The following DR1 variants were observed in gnomAD, a reference collection of about 807,000 sequenced individuals.
The protein encoded by DR1 is down-regulator of transcription 1, also known as protein Dr1.
Under a neutral mutation model 19.9 loss-of-function variants are expected in DR1, and 7 were observed. That is an observed-to-expected ratio of 0.35 (90% CI 0.20 to 0.66). The LOEUF is 0.66. Among genes scored for constraint, DR1 ranks in the 30% least tolerant of loss-of-function variants. DR1 has a pLI of 0.66. For missense variants in DR1, 98 were observed against 203.7 expected (o/e 0.48, Z 3.16); for synonymous variants, 76 against 72.5 (o/e 1.05, Z -0.24).
Position 93,360,699 on chromosome 1 carries a change from G to A in DR1, c.*60G>A. The A allele has an allele frequency of 6.5e-7, 1 of 1,539,266 alleles. No homozygotes were observed. The highest frequency in any genetic ancestry group is 8.7e-7 in the Non-Finnish European group (1 of 1,148,346). ...TGTTTTTCCCTGCACAACAAAAACA[G>A]TGAAAGAAATGCTTATCTGTAATTT... On this transcript the variant is annotated 3_prime_UTR_variant, in exon 3 of 3. Coordinates refer to ENST00000370272, the MANE Select transcript of DR1 (RefSeq NM_001938.3).
chr1:93,357,545 T>TAAATAAATAAATAAA (rs1667003608), intron 2 of DR1, among the ~76,000 whole-genome samples: 1 of 74,324 alleles, frequency 1.3e-5, no homozygotes, highest in Non-Finnish European at 3.1e-5. Flanking sequence ...AAATAAATAA[T>TAAATAAATAAATAAA]GATCAGTGCT....
intron 1 of DR1, 37 bp from the exon 2 acceptor site, chr1:93,353,871 A>G: frequency 1.3e-6 from 2 of 1,541,010 alleles, no homozygotes. Context: ...GCTGTGTTTT[A>G]TCACCCTTTC....
At chr1:93,349,711 G>A (rs771797445) in intron 1 of DR1, among the ~76,000 whole-genome samples, 6 of 152,000 alleles carry the variant, frequency 3.9e-5, no homozygotes, top group African/African-American at 1.4e-4. Context: ...GCTGTCTTAC[G>A]TTGAAGGAAT....
rs1345617832 is a variant in DR1 at position 93,362,878 on chromosome 1, T to C, written c.*2239T>C. On this transcript the variant is annotated 3_prime_UTR_variant, in exon 3 of 3. Coordinates refer to ENST00000370272, the MANE Select transcript of DR1 (RefSeq NM_001938.3). ...TTAGCATTTAAGAGTCACTATTATG[T>C]TTTGCCAGTTAAAATTTTTTAAATC... The C allele has an allele frequency of 6.7e-6, 1 of 149,822 alleles. No individual in the cohort carries two copies. Among genetic ancestry groups the C allele is most frequent in the Admixed American group, 6.7e-5 (1 of 14,996 alleles). The allele number at this position is 149,822 out of a possible 1,614,324, so 9.3% of individuals were successfully genotyped here.
chr1:93,357,849 A>G lies in DR1; in HGVS notation c.385-2644A>G, dbSNP rs1223103394. Reference sequence around the variant, plus strand: ...TCAACAAATTTCAAGTCAGAATTCAATTAACATGTCCCTACTGTATGTAAG... The same window carrying G: ...TCAACAAATTTCAAGTCAGAATTCAGTTAACATGTCCCTACTGTATGTAAG... On this transcript the variant is annotated intron_variant, in intron 2 of 2. Transcript: ENST00000370272. 2.6e-5 allele frequency among the ~76,000 whole-genome samples: 4 copies of G among 152,186 alleles called. No individual in the cohort carries two copies. The East Asian group carries it at 5.8e-4, about 22-fold the overall frequency.
Position 93,352,119 on chromosome 1 carries a change from G to T in DR1, c.221-1789G>T, listed in dbSNP as rs908960766. ...GGGTCTTGCTTTCTCACCCAGGTTG[G>T]AGTGCAGTGCCACAGTCATAGTTTA... On this transcript the variant is annotated intron_variant, in intron 1 of 2. Coordinates refer to ENST00000370272, the MANE Select transcript of DR1 (RefSeq NM_001938.3). Among the ~76,000 whole-genome samples, 11 of 152,196 alleles carry T rather than the reference G, an allele frequency of 7.2e-5. No homozygotes were observed. The South Asian group carries it at 2.3e-3, about 32-fold the overall frequency.
At chr1:93,357,518 AAAATAAAT>A (rs3067471) in intron 2 of DR1, among the ~76,000 whole-genome samples, 6 of 149,104 alleles carry the variant, frequency 4.0e-5, no homozygotes, top group South Asian at 2.1e-4. Context: ...CCCCATCTCT[AAAATAAAT>A]AAATAAATAA....
chr1:93,346,181 TGGC>T lies in DR1; in HGVS notation c.-455_-453del. 2 of 224,682 alleles carry T rather than the reference TGGC, an allele frequency of 8.9e-6. No individual in the cohort carries two copies. Among genetic ancestry groups the T allele is most frequent in the Non-Finnish European group, 1.8e-5 (2 of 113,566 alleles). The allele number at this position is 224,682 out of a possible 1,614,324, so 13.9% of individuals were successfully genotyped here. On this transcript the variant is annotated 5_prime_UTR_variant, in exon 1 of 3. Transcript: ENST00000370272. Reference sequence around the variant, plus strand: ...TGGCCGAGGCGGCGGCAACGGCTGCTGGCGGCGGCGGCAGCGGCAGCGGGGCCT... The same window carrying T: ...TGGCCGAGGCGGCGGCAACGGCTGCTGGCGGCGGCAGCGGCAGCGGGGCCT...
In DR1 at chr1:93,346,789, C is replaced by T. The variant is rs775971936; in HGVS notation, c.144C>T (p.His48=). 5 of 1,614,154 alleles carry T rather than the reference C, an allele frequency of 3.1e-6. No individual in the cohort carries two copies. The Admixed American group carries it at 8.3e-5, about 27-fold the overall frequency. ...LVVNCCTEFI[H]LISSEANEIC... ...TGAACTGCTGCACTGAATTCATTCA[C>T]CTTATATCTTCTGAAGCCAATGAGA... Residue 48 remains histidine, a synonymous_variant, in exon 1 of 3, where the codon CAC becomes CAT. Coordinates refer to ENST00000370272, the MANE Select transcript of DR1 (RefSeq NM_001938.3).
rs891129053 is a variant in DR1, at chr1:93,368,918, A to G, written c.*8279A>G. On this transcript the variant is annotated 3_prime_UTR_variant, in exon 3 of 3. Transcript: ENST00000370272. ...CTCTGTGTCTGGGGGTTCCACATCTATAGATCGACCAACCATGGACTGATG... is the reference window on the plus strand; with the variant it reads ...CTCTGTGTCTGGGGGTTCCACATCTGTAGATCGACCAACCATGGACTGATG... 8 of 152,176 alleles carry G rather than the reference A, an allele frequency of 5.3e-5. No individual in the cohort carries two copies. Among genetic ancestry groups the G allele is most frequent in the African/African-American group, 1.7e-4 (7 of 41,448 alleles). 9.4% of individuals were successfully genotyped at this position (152,176 alleles called of 1,614,324 possible).
chr1:93,349,357 A>G (rs1027865365), intron 1 of DR1, among the ~76,000 whole-genome samples: 3 of 152,088 alleles, frequency 2.0e-5, no homozygotes, highest in African/African-American at 7.2e-5. Flanking sequence ...GTTCTAAGCT[A>G]TAAAAGGTGT....
intron 2 of DR1, among the ~76,000 whole-genome samples, chr1:93,359,355 A>G (rs1667027887): frequency 6.6e-6 from 1 of 152,192 alleles, no homozygotes; most frequent in Non-Finnish European, 1.5e-5. Context: ...AAGAATATGG[A>G]AACAATCTCT....
chr1:93,355,451 A>G (rs2101637821), intron 2 of DR1: 1 of 152,354 alleles, frequency 6.6e-6, no homozygotes, highest in African/African-American at 2.4e-5. Flanking sequence ...CAGTAAGTTC[A>G]GAAAGTTAGG....
chr1:93,346,881 G>C lies in DR1; in HGVS notation c.220+16G>C. 6.3e-7 allele frequency: 1 copy of C among 1,593,630 alleles called. No individual in the cohort carries two copies. The highest frequency in any genetic ancestry group is 8.6e-7 in the Non-Finnish European group (1 of 1,167,128). On this transcript the variant is annotated intron_variant, in intron 1 of 2. Transcript: ENST00000370272. ...GTCATACAAGGTAAGTCGTGTGTGA[G>C]AGCTGGTTTGAATGAGGTTCTAGGG...
rs55792701 is a variant in DR1 at position 93,362,826 on chromosome 1, C to CTTTTTTTTTTTTTTTTTTTTTTTTTTT, written c.*2189_*2215dup. ...GCAATATTTTATTTTTAGGTTTTTT[C>CTTTTTTTTTTTTTTTTTTTTTTTTTTT]TTTTTTTTTTTTTTTTTTTTTTTTT... On this transcript the variant is annotated 3_prime_UTR_variant, in exon 3 of 3. Coordinates refer to ENST00000370272, the MANE Select transcript of DR1 (RefSeq NM_001938.3). 1 of 52,848 alleles carries CTTTTTTTTTTTTTTTTTTTTTTTTTTT rather than the reference C, an allele frequency of 1.9e-5. No individual in the cohort carries two copies. The highest frequency in any genetic ancestry group is 7.9e-5 in the African/African-American group (1 of 12,624). The allele number at this position is 52,848 out of a possible 1,614,324, so 3.3% of individuals were successfully genotyped here. A position where few individuals can be genotyped will look rare whatever the true frequency, so the allele number is the denominator to read the frequency against.
rs7535214 is a variant in DR1 at position 93,367,008 on chromosome 1, A to T, written c.*6369A>T. ...CAGAGCAAAATCCTATCTCAAAAAA[A>T]ATATATATATTATCCAGCCCCAAAT... On this transcript the variant is annotated 3_prime_UTR_variant, in exon 3 of 3. Transcript: ENST00000370272. The T allele has an allele frequency of 0.55, 82,508 of 151,272 alleles. 24,155 individuals are homozygous for T. Among genetic ancestry groups the T allele is most frequent in the East Asian group, 0.68 (3,466 of 5,100 alleles). The allele number at this position is 151,272 out of a possible 1,614,324, so 9.4% of individuals were successfully genotyped here.
chr1:93,358,201 A>T (rs1667012701), intron 2 of DR1, among the ~76,000 whole-genome samples: 1 of 152,188 alleles, frequency 6.6e-6, no homozygotes, highest in Admixed American at 6.5e-5. Context: ...GGAGTATGCC[A>T]ACTAGTAAGC....
At position 93,363,458 on chromosome 1, in the gene DR1, G is replaced by A. The variant is rs1222285343; in HGVS notation, c.*2819G>A. Reference sequence around the variant, plus strand: ...TAGGCCTAAATCAAAGTATCAGCAGGGTTGGCTCTTTATTGAGGTTGTGAG... The same window carrying A: ...TAGGCCTAAATCAAAGTATCAGCAGAGTTGGCTCTTTATTGAGGTTGTGAG... On this transcript the variant is annotated 3_prime_UTR_variant, in exon 3 of 3. Coordinates refer to ENST00000370272, the MANE Select transcript of DR1 (RefSeq NM_001938.3). The A allele has an allele frequency of 6.6e-6, 1 of 152,160 alleles. No homozygotes were observed. Among genetic ancestry groups the A allele is most frequent in the Admixed American group, 6.5e-5 (1 of 15,274 alleles). The allele number at this position is 152,160 out of a possible 1,614,324, so 9.4% of individuals were successfully genotyped here. A position where few individuals can be genotyped will look rare whatever the true frequency, so the allele number is the denominator to read the frequency against.
rs1667050370 is a variant in DR1 at position 93,361,430 on chromosome 1, T to C, written c.*791T>C. On this transcript the variant is annotated 3_prime_UTR_variant, in exon 3 of 3. Transcript: ENST00000370272. ...TTGATAGTATTACTTACCTAGTCCATCCATACTCATATTATTCAAATATAT... is the reference window on the plus strand; with the variant it reads ...TTGATAGTATTACTTACCTAGTCCACCCATACTCATATTATTCAAATATAT... 6.6e-6 allele frequency: 1 copy of C among 152,546 alleles called. No individual in the cohort carries two copies. Among genetic ancestry groups the C allele is most frequent in the South Asian group, 2.1e-4 (1 of 4,834 alleles). The allele number at this position is 152,546 out of a possible 1,614,324, so 9.4% of individuals were successfully genotyped here.
Sources: gnomAD v4.1 joint callset for allele counts (sites outside exome capture counted in the v4.1 genomes callset) on GRCh38, gnomAD v4.1.1 for gene constraint, MANE v1.5 for transcripts, NCBI Gene and HGNC (gene_info 2026-07-23, HGNC 2026-07-21) for gene names.